Variants in AGBL1 observed in about 807,000 individuals in gnomAD.
AGBL1 encodes the protein cytosolic carboxypeptidase 4.
Under a neutral mutation model 118.9 loss-of-function variants are expected in AGBL1, and 130 were observed. The ratio of observed to expected loss-of-function variants is 1.09; its 90% CI spans 0.95 to 1.26. AGBL1 has a LOEUF of 1.26. Among genes scored for constraint, AGBL1 ranks in the 50% most tolerant of loss-of-function variants. AGBL1 has a pLI of 0.00. For synonymous variants in AGBL1, 555 were observed against 478.9 expected (o/e 1.16, Z -2.08); for missense variants, 1,584 against 1,298.1 (o/e 1.22, Z -3.38).
chr15:86,327,965 T>C (rs2080209734), intron 17 of AGBL1, among the ~76,000 whole-genome samples: 1 of 152,222 alleles, frequency 6.6e-6, no homozygotes, highest in Admixed American at 6.5e-5. Flanking sequence ...CCTGGCTTCA[T>C]AGTTATGTGG....
At chr15:86,677,917 C>T (rs1314856079) in intron 22 of AGBL1, among the ~76,000 whole-genome samples, 1 of 152,192 alleles carries the variant, frequency 6.6e-6, no homozygotes, top group Non-Finnish European at 1.5e-5. Context: ...GCCCCTATCC[C>T]TGTCTCAGCA....
chr15:86,757,049 T>C (rs1217071961), intron 22 of AGBL1, among the ~76,000 whole-genome samples: 1 of 151,780 alleles, frequency 6.6e-6, no homozygotes, highest in Non-Finnish European at 1.5e-5. Flanking sequence ...CTTTTGAAAA[T>C]TGTTCATTAG....
chr15:87,013,433 G>C (rs1051672516), intron 24 of AGBL1, among the ~76,000 whole-genome samples: 1 of 152,152 alleles, frequency 6.6e-6, no homozygotes, highest in Non-Finnish European at 1.5e-5. Flanking sequence ...AGCTGAAATT[G>C]CTGCTGTTTA....
chr15:86,652,781 C>T (rs951051903), intron 21 of AGBL1, among the ~76,000 whole-genome samples: 1 of 152,146 alleles, frequency 6.6e-6, no homozygotes, highest in Non-Finnish European at 1.5e-5. Context: ...ACACACACTT[C>T]AGTGTGTGTA....
chr15:87,020,731 A>G (rs2081656024), intron 24 of AGBL1, among the ~76,000 whole-genome samples: 1 of 152,190 alleles, frequency 6.6e-6, no homozygotes, highest in Non-Finnish European at 1.5e-5. Context: ...CAAATCATGA[A>G]TGAATTCTCA....
At chr15:86,276,021 A>C (rs1337414532) in intron 15 of AGBL1, among the ~76,000 whole-genome samples, 3 of 152,256 alleles carry the variant, frequency 2.0e-5, no homozygotes, top group Non-Finnish European at 2.9e-5. Context: ...AACAGTGTCT[A>C]GTGCATAGTA....
intron 22 of AGBL1, among the ~76,000 whole-genome samples, chr15:86,749,838 C>T (rs1045755700): frequency 6.6e-6 from 1 of 152,106 alleles, no homozygotes; most frequent in Admixed American, 6.6e-5. Context: ...GTTGAACCAG[C>T]CTTGCATCCC....
chr15:86,544,537 A>G (rs974696386), intron 19 of AGBL1, among the ~76,000 whole-genome samples: 1 of 152,200 alleles, frequency 6.6e-6, no homozygotes, highest in Non-Finnish European at 1.5e-5. Context: ...AGGCCTCACG[A>G]TCATGGTGGA....
rs147021312 is a variant in AGBL1, at chr15:86,797,785, G to A, written c.3159-109302G>A. Among the ~76,000 whole-genome samples, 667 of 152,294 alleles carry A rather than the reference G, an allele frequency of 4.4e-3. 11 individuals carry two copies. The highest frequency in any genetic ancestry group is 5.5e-3 in the Non-Finnish European group (377 of 68,026). On this transcript the variant is annotated intron_variant, in intron 22 of 22. Coordinates refer to ENST00000614907, the MANE Select transcript of AGBL1 (RefSeq NM_001386094.1). ...TCCATCAGCAAAATGGAAAGGGAAG[G>A]ACTTGGAAGAACCTGCAAAGGGAAG...
intron 4 of AGBL1, among the ~76,000 whole-genome samples, chr15:86,156,503 A>C (rs751879370): frequency 6.6e-6 from 1 of 152,192 alleles, no homozygotes; most frequent in Non-Finnish European, 1.5e-5. Flanking sequence ...GAGGTACTGA[A>C]GATTAGGGCT....
At chr15:86,256,832 T>C (rs1460203076) in intron 7 of AGBL1, 21 bp from the exon 8 acceptor site, 9 of 1,613,258 alleles carry the variant, frequency 5.6e-6, no homozygotes, top group Non-Finnish European at 7.6e-6. Context: ...TGGCATCTGA[T>C]ATAATCTTCC....
intron 5 of AGBL1, among the ~76,000 whole-genome samples, chr15:86,201,332 T>C (rs540368496): frequency 1.0e-3 from 153 of 152,324 alleles, no homozygotes; most frequent in African/African-American, 3.6e-3. Context: ...TCTTGCAGTT[T>C]CATATTTAGG....
In AGBL1 at chr15:86,953,193, C is replaced by T. The variant is rs565407122; in HGVS notation, c.3222-34794C>T. ...GTAATTTTTAGATATTTTTCCAATT[C>T]TGTGAAAAATGACATTGGTAGTGTG... On this transcript the variant is annotated intron_variant, in intron 23 of 24. Transcript: ENST00000441037. 7.9e-5 allele frequency among the ~76,000 whole-genome samples: 12 copies of T among 152,148 alleles called. No individual in the cohort carries two copies. The South Asian group carries it at 1.5e-3, about 18-fold the overall frequency.
intron 24 of AGBL1, among the ~76,000 whole-genome samples, chr15:87,008,863 T>C (rs1431570821): frequency 6.6e-6 from 1 of 152,166 alleles, no homozygotes; most frequent in Non-Finnish European, 1.5e-5. Context: ...TTCAGAGAGA[T>C]GATTTAGGGT....
chr15:86,256,131 T>C (rs141390160), intron 7 of AGBL1, among the ~76,000 whole-genome samples: 32 of 152,356 alleles, frequency 2.1e-4, no homozygotes, highest in African/African-American at 7.2e-4. Flanking sequence ...AAAGAGATAC[T>C]GAACTATACT....
At chr15:86,647,853 A>G (rs1173864512) in intron 21 of AGBL1, among the ~76,000 whole-genome samples, 1 of 152,160 alleles carries the variant, frequency 6.6e-6, no homozygotes, top group African/African-American at 2.4e-5. Context: ...TGTTATTGAG[A>G]AGATGAAATT....
chr15:86,339,993 C>T (rs1408064603), intron 17 of AGBL1, among the ~76,000 whole-genome samples: 2 of 151,918 alleles, frequency 1.3e-5, no homozygotes, highest in Non-Finnish European at 2.9e-5. Context: ...TTATTTCATC[C>T]TTCCTTATAT....
At chr15:86,837,424 C>T (rs2079184955) in intron 22 of AGBL1, among the ~76,000 whole-genome samples, 1 of 152,128 alleles carries the variant, frequency 6.6e-6, no homozygotes, top group African/African-American at 2.4e-5. Flanking sequence ...ATTTGGCTCA[C>T]CCCCTATTTT....
At chr15:86,921,286 T>G (rs1379739284) in intron 23 of AGBL1, among the ~76,000 whole-genome samples, 1 of 152,142 alleles carries the variant, frequency 6.6e-6, no homozygotes, top group African/African-American at 2.4e-5. Context: ...TCCTCCAGGC[T>G]CCTCAAGAAG....
Sources: gnomAD v4.1 joint callset for allele counts (sites outside exome capture counted in the v4.1 genomes callset) on GRCh38, gnomAD v4.1.1 for gene constraint, MANE v1.5 for transcripts, NCBI Gene and HGNC (gene_info 2026-07-23, HGNC 2026-07-21) for gene names.